The following CMIP variants were observed in gnomAD, a reference collection of about 807,000 sequenced individuals.
CMIP encodes the protein c-Maf inducing protein, also known as C-Maf-inducing protein.
In CMIP, 13 loss-of-function variants were observed where a neutral mutation model predicts 97.3. That is an observed-to-expected ratio of 0.13 (90% CI 0.09 to 0.21). The LOEUF is 0.21. Ranked by LOEUF, CMIP falls within the 10% of genes least tolerant of loss-of-function variation. The pLI, the probability that CMIP is intolerant of heterozygous loss-of-function variation, is 1.00. For missense variants in CMIP, 847 were observed against 1,024.9 expected (o/e 0.83, Z 2.37); for synonymous variants, 538 against 436.3 (o/e 1.23, Z -2.91).
chr16:81,456,302 C>T (rs1238729148), intron 1 of CMIP, among the ~76,000 whole-genome samples: 2 of 152,178 alleles, frequency 1.3e-5, no homozygotes, highest in East Asian at 1.9e-4. Context: ...GTGCGCATTT[C>T]GTCCTCTCAT....
intron 1 of CMIP, among the ~76,000 whole-genome samples, chr16:81,572,248 T>C (rs760167359): frequency 4.7e-4 from 71 of 152,230 alleles, no homozygotes; most frequent in Non-Finnish European, 8.1e-4. Flanking sequence ...CTCATCTCTG[T>C]CTACAAAACT....
intron 1 of CMIP, among the ~76,000 whole-genome samples, chr16:81,495,190 C>CCATCAT (rs1362455698): frequency 6.6e-6 from 1 of 152,160 alleles, no homozygotes; most frequent in East Asian, 1.9e-4. Flanking sequence ...TTAGCTCTCA[C>CCATCAT]CATCATCATC....
intron 1 of CMIP, among the ~76,000 whole-genome samples, chr16:81,454,226 G>A (rs1423027253): frequency 1.3e-5 from 2 of 152,140 alleles, no homozygotes; most frequent in East Asian, 1.9e-4. Context: ...ACTGTGTGCC[G>A]GGCACAGTGC....
chr16:81,699,880 G>C, intron 15 of CMIP, 79 bp downstream of exon 15: 2 of 981,422 alleles, frequency 2.0e-6, no homozygotes, highest in Non-Finnish European at 3.1e-6. Context: ...TCTGCTGGGA[G>C]CCAGGAGCTG....
At chr16:81,650,806 A>C (rs186581678) in intron 3 of CMIP, among the ~76,000 whole-genome samples, 156 of 152,258 alleles carry the variant, frequency 1.0e-3, no homozygotes, top group Non-Finnish European at 1.8e-3. Context: ...TTCCATCCTG[A>C]CTTACAGAAC....
chr16:81,680,616 A>AC (rs1183049952), intron 10 of CMIP, among the ~76,000 whole-genome samples: 4 of 152,002 alleles, frequency 2.6e-5, no homozygotes, highest in Non-Finnish European at 5.9e-5. Context: ...AGTGACCGCC[A>AC]CCCCCAGCCA....
chr16:81,660,103 C>T (rs914777044), intron 5 of CMIP, among the ~76,000 whole-genome samples: 2 of 152,050 alleles, frequency 1.3e-5, no homozygotes, highest in Non-Finnish European at 2.9e-5. Flanking sequence ...AGTCCAAACC[C>T]CAGCTGTGGT....
chr16:81,500,443 CCCTT>C (rs1358928697), intron 1 of CMIP, among the ~76,000 whole-genome samples: 10 of 122,950 alleles, frequency 8.1e-5, no homozygotes, highest in African/African-American at 3.1e-4. Flanking sequence ...CTCTCTCTCT[CCCTT>C]CCTCCCTCCC....
At chr16:81,492,073 G>A (rs776052030) in intron 1 of CMIP, among the ~76,000 whole-genome samples, 4 of 152,162 alleles carry the variant, frequency 2.6e-5, no homozygotes, top group Non-Finnish European at 4.4e-5. Flanking sequence ...TGCCTGTAGC[G>A]TTTTTATCCT....
intron 1 of CMIP, among the ~76,000 whole-genome samples, chr16:81,540,280 A>G (rs1339199273): frequency 6.6e-6 from 1 of 152,136 alleles, no homozygotes; most frequent in Non-Finnish European, 1.5e-5. Context: ...GGAGAGCTCC[A>G]TCCTGTGCCG....
chr16:81,478,915 C>T (rs772002137), intron 1 of CMIP, among the ~76,000 whole-genome samples: 1 of 152,154 alleles, frequency 6.6e-6, no homozygotes, highest in African/African-American at 2.4e-5. Context: ...AGCCCAGCCT[C>T]GTCTTGTTCA....
chr16:81,667,449 C>T (rs2092616340), intron 7 of CMIP, among the ~76,000 whole-genome samples: 1 of 152,152 alleles, frequency 6.6e-6, no homozygotes, highest in Non-Finnish European at 1.5e-5. Context: ...AGTAACCTAA[C>T]CTCCAGTTTT....
intron 10 of CMIP, among the ~76,000 whole-genome samples, chr16:81,687,790 C>T (rs557041051): frequency 6.6e-6 from 1 of 152,188 alleles, no homozygotes; most frequent in Non-Finnish European, 1.5e-5. Flanking sequence ...AAAAAACTCC[C>T]TCTTTATGAA....
chr16:81,678,440 T>C lies in CMIP; in HGVS notation c.1200T>C (p.Ser400=). 4 of 1,590,348 alleles carry C rather than the reference T, an allele frequency of 2.5e-6. No individual in the cohort carries two copies. Among genetic ancestry groups the C allele is most frequent in the Non-Finnish European group, 3.4e-6 (4 of 1,169,214 alleles). ...ARLKSVVVAS[S]EIHVEVERTS... ...TCAAGTCGGTGGTCGTGGCCTCCAG[T>C]GAGATCCACGTGGAGGTGGAACGCA... is the stretch of plus-strand genomic sequence containing the variant. Residue 400 remains serine (S), a synonymous_variant, in exon 10 of 21, where the codon AGT becomes AGC. Transcript: ENST00000537098.
chr16:81,615,151 T>C (rs975034860), intron 2 of CMIP, among the ~76,000 whole-genome samples: 2 of 100,692 alleles, frequency 2.0e-5, no homozygotes, highest in African/African-American at 3.9e-5. Context: ...GTGTGATGTG[T>C]GTGCATGTGT....
At chr16:81,704,187 T>G in intron 18 of CMIP, 102 bp downstream of exon 18, 2 of 784,966 alleles carry the variant, frequency 2.5e-6, no homozygotes, top group Non-Finnish European at 3.8e-6. Context: ...CTCAGCCTCC[T>G]CCCTGCCCCC....
At position 81,589,772 on chromosome 16, in the gene CMIP, G is replaced by A. The variant is rs1005719198; in HGVS notation, c.301-17795G>A. 6.6e-5 allele frequency among the ~76,000 whole-genome samples: 10 copies of A among 152,364 alleles called. No individual in the cohort carries two copies. In the South Asian group the frequency reaches 1.0e-3, roughly 16 times the overall value. Reference sequence around the variant, plus strand: ...CACACATACTCAGGCTTCATAAAAAGTAGCCTTCTCTCTGTCCCTTCCTCC... The same window carrying A: ...CACACATACTCAGGCTTCATAAAAAATAGCCTTCTCTCTGTCCCTTCCTCC... On this transcript the variant is annotated intron_variant, in intron 1 of 20. Coordinates refer to ENST00000537098, the MANE Select transcript of CMIP (RefSeq NM_198390.3).
intron 1 of CMIP, among the ~76,000 whole-genome samples, chr16:81,530,043 G>A (rs1438030974): frequency 6.6e-6 from 1 of 152,220 alleles, no homozygotes; most frequent in Non-Finnish European, 1.5e-5. Flanking sequence ...GCTGGGGACA[G>A]TAAGACCATC....
At chr16:81,685,494 CA>C (rs1170338956) in intron 10 of CMIP, among the ~76,000 whole-genome samples, 2 of 152,156 alleles carry the variant, frequency 1.3e-5, no homozygotes, top group Admixed American at 1.3e-4. Flanking sequence ...TTCTGCATTT[CA>C]TGACATTTCT....
Sources: allele counts gnomAD v4.1 joint callset (sites outside exome capture counted in the v4.1 genomes callset), GRCh38; gene constraint gnomAD v4.1.1; transcripts MANE v1.5; gene names NCBI Gene and HGNC (gene_info 2026-07-23, HGNC 2026-07-21).